Variants in FBLN2 observed in about 807,000 individuals in gnomAD.
The protein encoded by FBLN2 is fibulin 2, also known as fibulin-2.
Under a neutral mutation model 123.7 loss-of-function variants are expected in FBLN2, and 81 were observed. The ratio of observed to expected loss-of-function variants is 0.65; its 90% CI spans 0.55 to 0.79. FBLN2 has a LOEUF of 0.79. Ranked by LOEUF, FBLN2 falls within the 30% of genes least tolerant of loss-of-function variation. FBLN2 has a pLI of 0.00. For synonymous variants in FBLN2, 699 were observed against 701.4 expected, an observed-to-expected ratio of 1.00 and a Z score of 0.05; for missense variants, 1,603 against 1,681.3, an observed-to-expected ratio of 0.95 and a Z score of 0.81.
chr3:13,603,237 T>A (rs200852185), intron 2 of FBLN2, among the ~76,000 whole-genome samples: 2 of 44,266 alleles, frequency 4.5e-5, no homozygotes, highest in Admixed American at 2.0e-4. Context: ...TTTTTTTAAG[T>A]TTTTTTTTTT....
At chr3:13,559,194 T>A (rs1317237958) in intron 1 of FBLN2, among the ~76,000 whole-genome samples, 1 of 152,124 alleles carries the variant, frequency 6.6e-6, no homozygotes, top group Non-Finnish European at 1.5e-5. Context: ...TGTGCCCATA[T>A]GTCTGTTAAG....
At chr3:13,583,956 G>A (rs1362090666) in intron 2 of FBLN2, among the ~76,000 whole-genome samples, 1 of 152,236 alleles carries the variant, frequency 6.6e-6, no homozygotes, top group Non-Finnish European at 1.5e-5. Context: ...GTTAACTCCA[G>A]CGACTGTGGC....
intron 2 of FBLN2, among the ~76,000 whole-genome samples, chr3:13,586,391 G>A (rs1051818410): frequency 2.0e-5 from 3 of 151,640 alleles, no homozygotes; most frequent in Non-Finnish European, 4.4e-5. Flanking sequence ...CACCATGTTG[G>A]TCAGGCTGGT....
Position 13,571,496 on chromosome 3 carries a change from G to A in FBLN2, c.1141G>A (p.Val381Ile). 1.2e-6 allele frequency: 2 copies of A among 1,613,620 alleles called. No individual in the cohort carries two copies. The highest frequency in any genetic ancestry group is 1.7e-6 in the Non-Finnish European group (2 of 1,179,854). Reference protein sequence around the residue: ...QAVPGSPRDPVKPSPHNILST... With the variant: ...QAVPGSPRDPIKPSPHNILST... ...CGTGCCTGGCTCTCCCAGGGACCCAGTCAAGCCCAGCCCCCACAACATCCT... is the reference window on the plus strand; with the variant it reads ...CGTGCCTGGCTCTCCCAGGGACCCAATCAAGCCCAGCCCCCACAACATCCT... The change falls in exon 2 of 18, where the codon GTC becomes ATC. Residue 381 changes from valine (V) to isoleucine (I), a missense_variant. Coordinates refer to ENST00000404922, the MANE Select transcript of FBLN2 (RefSeq NM_001004019.2).
At chr3:13,559,079 C>T (rs1024170304) in intron 1 of FBLN2, among the ~76,000 whole-genome samples, 7 of 152,022 alleles carry the variant, frequency 4.6e-5, no homozygotes, top group Non-Finnish European at 8.8e-5. Context: ...TGAATGTCTC[C>T]GTTAGGAGTT....
At chr3:13,633,511 C>T (rs533063371) in intron 16 of FBLN2, among the ~76,000 whole-genome samples, 2 of 152,382 alleles carry the variant, frequency 1.3e-5, no homozygotes, top group East Asian at 1.9e-4. Context: ...GCCGGCTCCC[C>T]GGCCTCATCC....
intron 11 of FBLN2, among the ~76,000 whole-genome samples, chr3:13,628,250 G>A (rs914167319): frequency 1.6e-4 from 25 of 152,276 alleles, no homozygotes; most frequent in African/African-American, 6.0e-4. Context: ...GACTGGATAC[G>A]AATGAGTATC....
chr3:13,608,462 T>A (rs114959837), intron 3 of FBLN2, among the ~76,000 whole-genome samples: 4,009 of 152,336 alleles, frequency 0.026, 76 homozygotes, highest in Middle Eastern at 0.071. Context: ...AGGAGTGCTG[T>A]CCCCTAGGAA....
At chr3:13,620,611 C>T (rs1705817671) in intron 8 of FBLN2, among the ~76,000 whole-genome samples, 1 of 152,176 alleles carries the variant, frequency 6.6e-6, no homozygotes, top group Non-Finnish European at 1.5e-5. Context: ...GGTTGGTTCC[C>T]ACAGTGAATG....
rs1220808130 is a variant in FBLN2 at position 13,571,406 on chromosome 3, A to G, written c.1051A>G (p.Thr351Ala). The G allele has an allele frequency of 1.4e-5, 22 of 1,613,056 alleles. No individual in the cohort carries two copies. Among genetic ancestry groups the G allele is most frequent in the Non-Finnish European group, 1.9e-5 (22 of 1,179,630 alleles). Reference sequence around the variant, plus strand: ...GGATGCCCAAGCCACGTCCCGCAGCACTGGGCCGGAGGGCGTGACGCATGC... The same window carrying G: ...GGATGCCCAAGCCACGTCCCGCAGCGCTGGGCCGGAGGGCGTGACGCATGC... Reference protein sequence around the residue: ...ILDAQATSRSTGPEGVTHAPS... With the variant: ...ILDAQATSRSAGPEGVTHAPS... The change falls in exon 2 of 18, where the codon ACT becomes GCT. Residue 351 changes from threonine to alanine, a missense_variant. Thr to Ala is a moderately conservative substitution (Grantham distance 58). Coordinates refer to ENST00000404922, the MANE Select transcript of FBLN2 (RefSeq NM_001004019.2).
chr3:13,563,515 G>A (rs1703665251), intron 1 of FBLN2, among the ~76,000 whole-genome samples: 1 of 152,172 alleles, frequency 6.6e-6, no homozygotes, highest in African/African-American at 2.4e-5. Context: ...CAGCTGAGAT[G>A]CAGTCTTGCC....
intron 15 of FBLN2, 149 bp downstream of exon 15, chr3:13,630,964 G>A: frequency 1.5e-6 from 1 of 670,894 alleles, no homozygotes; most frequent in Non-Finnish European, 2.6e-6. Flanking sequence ...TTTCCTGGCT[G>A]TGTGACCTTG....
chr3:13,594,538 C>T (rs925644717), intron 2 of FBLN2, among the ~76,000 whole-genome samples: 12 of 152,200 alleles, frequency 7.9e-5, no homozygotes, highest in African/African-American at 2.9e-4. Flanking sequence ...GTCGTTTAAA[C>T]CCTGTATGTT....
intron 1 of FBLN2, among the ~76,000 whole-genome samples, chr3:13,550,162 T>C (rs1703283052): frequency 6.6e-6 from 1 of 152,204 alleles, no homozygotes; most frequent in African/African-American, 2.4e-5. Context: ...TGGCACTCCA[T>C]GGGCAGTCCT....
At chr3:13,588,493 A>T (rs1574964087) in intron 2 of FBLN2, among the ~76,000 whole-genome samples, 1 of 152,222 alleles carries the variant, frequency 6.6e-6, no homozygotes, top group Non-Finnish European at 1.5e-5. Context: ...GTGGCTTCTC[A>T]TTGGGAACCC....
At chr3:13,572,694 C>G (rs1368313908) in intron 2 of FBLN2, among the ~76,000 whole-genome samples, 1 of 152,246 alleles carries the variant, frequency 6.6e-6, no homozygotes, top group African/African-American at 2.4e-5. Context: ...CAGTCAGACA[C>G]CCCATTTGAA....
chr3:13,623,180 A>G (rs529138997), intron 9 of FBLN2, among the ~76,000 whole-genome samples: 5 of 152,262 alleles, frequency 3.3e-5, no homozygotes, highest in African/African-American at 1.2e-4. Context: ...CCTGCTTGCC[A>G]GCAGCCGGCC....
intron 2 of FBLN2, among the ~76,000 whole-genome samples, chr3:13,586,896 C>T (rs567815539): frequency 7.3e-5 from 11 of 150,578 alleles, no homozygotes; most frequent in Non-Finnish European, 1.0e-4. Flanking sequence ...GCCTGTAATC[C>T]CAGCACTTTG....
intron 10 of FBLN2, among the ~76,000 whole-genome samples, chr3:13,626,801 G>A (rs947716351): frequency 4.8e-4 from 73 of 152,240 alleles, no homozygotes; most frequent in African/African-American, 1.7e-3. Context: ...CTGAGGCAGG[G>A]TGAGGGCAGG....
Sources: allele counts gnomAD v4.1 joint callset (sites outside exome capture counted in the v4.1 genomes callset), GRCh38; gene constraint gnomAD v4.1.1; transcripts MANE v1.5; gene names NCBI Gene and HGNC (gene_info 2026-07-23, HGNC 2026-07-21).